The following CSMD2 variants were observed in gnomAD, a reference collection of about 807,000 sequenced individuals.
The protein encoded by CSMD2 is CUB and sushi domain-containing protein 2.
Under a neutral mutation model 398.5 loss-of-function variants are expected in CSMD2, and 130 were observed. The observed-to-expected ratio is 0.33, with a 90% CI of 0.28 to 0.38. The LOEUF is 0.38. Among genes scored for constraint, CSMD2 ranks in the 10% least tolerant of loss-of-function variants. CSMD2 has a pLI of 1.00. For synonymous variants in CSMD2, 1,828 were observed against 1,908.5 expected (o/e 0.96, Z 1.10); for missense variants, 3,829 against 4,764.9 (o/e 0.80, Z 5.78).
intron 22 of CSMD2, among the ~76,000 whole-genome samples, chr1:33,705,048 G>A (rs1003701608): frequency 6.6e-6 from 1 of 150,970 alleles, no homozygotes; most frequent in Non-Finnish European, 1.5e-5. Flanking sequence ...AAAATTTTTA[G>A]ATCTGTGATC....
intron 3 of CSMD2, among the ~76,000 whole-genome samples, chr1:34,031,380 T>TA (rs75646823): frequency 0.092 from 13,972 of 152,096 alleles, 1,044 homozygotes; most frequent in East Asian, 0.34. Context: ...GATCATTTTT[T>TA]AAAAAGAAAT....
At position 33,716,389 on chromosome 1, in the gene CSMD2, C is replaced by T. The variant is rs754721351; in HGVS notation, c.3114G>A (p.Leu1038=). 1.2e-6 allele frequency: 2 copies of T among 1,614,110 alleles called. No homozygotes were observed. Among genetic ancestry groups the T allele is most frequent in the Non-Finnish European group, 1.7e-6 (2 of 1,180,028 alleles). ...AGAGCCCAGCGCTGATGGGAGCTGG[C>T]AGCCGAGATCCAGTTAGCTGCCTCA... is the stretch of plus-strand genomic sequence containing the variant. ...QPLRQLTGSR[L]PAPISAGLYG... The change falls in exon 20 of 71, where the codon CTG becomes CTA. Residue 1038 remains leucine, a synonymous_variant. Coordinates refer to ENST00000373381, the MANE Select transcript of CSMD2 (RefSeq NM_001281956.2).
chr1:33,727,795 G>A (rs1235042915), intron 15 of CSMD2, among the ~76,000 whole-genome samples: 1 of 152,076 alleles, frequency 6.6e-6, no homozygotes, highest in East Asian at 1.9e-4. Flanking sequence ...TAAGCCGCTG[G>A]GATTTGGAGG....
chr1:34,040,732 T>C (rs1651755331), intron 2 of CSMD2, among the ~76,000 whole-genome samples: 1 of 152,132 alleles, frequency 6.6e-6, no homozygotes, highest in African/African-American at 2.4e-5. Flanking sequence ...ACCCATGAAA[T>C]GAGGCGAGAT....
chr1:34,089,860 A>G (rs993734286), intron 1 of CSMD2, among the ~76,000 whole-genome samples: 1 of 152,144 alleles, frequency 6.6e-6, no homozygotes, highest in Non-Finnish European at 1.5e-5. Flanking sequence ...TCTATCGTTA[A>G]GAAAAAAATT....
In CSMD2 at chr1:33,652,385, G is replaced by A; in HGVS notation, c.4524C>T (p.Gly1508=). Residue 1508 remains glycine, a synonymous_variant, in exon 28 of 71, where the codon GGC becomes GGT. Coordinates refer to ENST00000373381, the MANE Select transcript of CSMD2 (RefSeq NM_001281956.2). The part of the protein sequence containing the change: ...SPNYPEPYPP[G]KECDWKVTVS... ...CGGTCACTTTCCAGTCACACTCCTT[G>A]CCTGGCGGGTAGGGTTCTGGGTAAT... is the stretch of plus-strand genomic sequence containing the variant. 6.2e-7 allele frequency: 1 copy of A among 1,614,178 alleles called. No individual in the cohort carries two copies.
chr1:33,767,877 C>A (rs1210192070), intron 13 of CSMD2, among the ~76,000 whole-genome samples: 1 of 152,098 alleles, frequency 6.6e-6, no homozygotes, highest in Non-Finnish European at 1.5e-5. Context: ...GCAGATGATC[C>A]CTAAACTTCT....
rs541107308 is a variant in CSMD2, at chr1:33,791,943, G to A, written c.1550+480C>T. Among the ~76,000 whole-genome samples the A allele has an allele frequency of 7.9e-5, 12 of 152,276 alleles. No individual in the cohort carries two copies. The South Asian group carries it at 2.5e-3, about 32-fold the overall frequency. On this transcript the variant is annotated intron_variant, in intron 11 of 70. Coordinates refer to ENST00000373381, the MANE Select transcript of CSMD2 (RefSeq NM_001281956.2). Reference sequence around the variant, plus strand: ...GTCATACTGGTCTTTTTTGGCTCAGGAAGTGTGGCCACTATGTCTATATGG... The same window carrying A: ...GTCATACTGGTCTTTTTTGGCTCAGAAAGTGTGGCCACTATGTCTATATGG...
chr1:33,783,431 T>TTCTCTCTCTCTCTCTCTCTC lies in CSMD2; in HGVS notation c.1663+5149_1663+5168dup, dbSNP rs55769634. Among the ~76,000 whole-genome samples, 73 of 135,238 alleles carry TTCTCTCTCTCTCTCTCTCTC rather than the reference T, an allele frequency of 5.4e-4. 3 individuals are homozygous for TTCTCTCTCTCTCTCTCTCTC. Among genetic ancestry groups the TTCTCTCTCTCTCTCTCTCTC allele is most frequent in the African/African-American group, 1.9e-3 (66 of 34,400 alleles). The allele number at this position is 135,238 out of a possible 152,430, so 88.7% of individuals were successfully genotyped here. A position where few individuals can be genotyped will look rare whatever the true frequency, so the allele number is the denominator to read the frequency against. On this transcript the variant is annotated intron_variant, in intron 12 of 70. Transcript: ENST00000373381. Reference sequence around the variant, plus strand: ...AAACAACACCATGCTCATTCTCTCATTCTCTCTCTCTCTCTCTCTCTCTCT... The same window carrying TTCTCTCTCTCTCTCTCTCTC: ...AAACAACACCATGCTCATTCTCTCATTCTCTCTCTCTCTCTCTCTCTCTCTCTCTCTCTCTCTCTCTCTCT...
At chr1:33,531,651 C>G (rs1655244768) in intron 64 of CSMD2, among the ~76,000 whole-genome samples, 1 of 152,168 alleles carries the variant, frequency 6.6e-6, no homozygotes, top group South Asian at 2.1e-4. Context: ...GAAAGAAATT[C>G]CGACAGATGC....
chr1:34,065,541 G>A (rs1212883168), intron 2 of CSMD2, among the ~76,000 whole-genome samples: 1 of 152,164 alleles, frequency 6.6e-6, no homozygotes, highest in Non-Finnish European at 1.5e-5. Context: ...TTTGGAACCA[G>A]CAGAGCTGGG....
At chr1:33,766,322 T>G (rs1650488197) in intron 13 of CSMD2, among the ~76,000 whole-genome samples, 1 of 152,140 alleles carries the variant, frequency 6.6e-6, no homozygotes, top group Admixed American at 6.5e-5. Context: ...GGGCCTCTCA[T>G]CTTTCGGGCC....
intron 55 of CSMD2, among the ~76,000 whole-genome samples, chr1:33,555,781 C>T (rs938980184): frequency 6.6e-6 from 1 of 152,144 alleles, no homozygotes; most frequent in Non-Finnish European, 1.5e-5. Context: ...TGACATGATA[C>T]TACTGCACAC....
Position 33,616,969 on chromosome 1 carries a change from C to T in CSMD2, c.5953G>A (p.Ala1985Thr), listed in dbSNP as rs202177067. The change falls in exon 39 of 71, where the codon GCC becomes ACC. Residue 1985 changes from alanine (A) to threonine (T), a missense_variant. Around this residue, in one of 5 missense-constraint regions of CSMD2, gnomAD observed 2,001 missense variants for 2,567.1 expected, o/e 0.78. Transcript: ENST00000373381. ...CEPGYALQGH[A>T]HISCMPGTVR... ...GTTCCGGGCATGCAGGAGATGTGGG[C>T]GTGGCCCTGGAGGAATCAGGAACAG... 3.9e-5 allele frequency: 63 copies of T among 1,614,000 alleles called. No individual in the cohort carries two copies. Among genetic ancestry groups the T allele is most frequent in the East Asian group, 2.9e-4 (13 of 44,874 alleles).
chr1:33,774,108 TG>T (rs1651642784), intron 12 of CSMD2, among the ~76,000 whole-genome samples: 1 of 20,230 alleles, frequency 4.9e-5, no homozygotes, highest in African/African-American at 2.4e-4. Context: ...TGGCTGGGAT[TG>T]TGTGTGTGTG....
chr1:34,058,668 G>A (rs1654129558), intron 2 of CSMD2, among the ~76,000 whole-genome samples: 1 of 152,190 alleles, frequency 6.6e-6, no homozygotes, highest in African/African-American at 2.4e-5. Flanking sequence ...GTGAGTGTCA[G>A]CTCTGAGGGT....
intron 1 of CSMD2, among the ~76,000 whole-genome samples, chr1:34,148,103 C>T (rs905140727): frequency 6.6e-6 from 1 of 152,166 alleles, no homozygotes; most frequent in Non-Finnish European, 1.5e-5. Context: ...CGTTGAGGCC[C>T]AGGGACACTG....
intron 13 of CSMD2, among the ~76,000 whole-genome samples, chr1:33,756,806 G>A (rs1649092304): frequency 6.6e-6 from 1 of 152,058 alleles, no homozygotes; most frequent in South Asian, 2.1e-4. Flanking sequence ...CCCATTACTG[G>A]GTATATACCC....
At chr1:34,075,100 A>G (rs1656176977) in intron 2 of CSMD2, among the ~76,000 whole-genome samples, 1 of 152,274 alleles carries the variant, frequency 6.6e-6, no homozygotes, top group Non-Finnish European at 1.5e-5. Context: ...CATTCAATAA[A>G]TGTAGAATAA....
Sources: gnomAD v4.1 joint callset for allele counts (sites outside exome capture counted in the v4.1 genomes callset) on GRCh38, gnomAD v4.1.1 for gene constraint, gnomAD v4.1.1 regional missense constraint, MANE v1.5 for transcripts, NCBI Gene and HGNC (gene_info 2026-07-23, HGNC 2026-07-21) for gene names.